Variants in ABHD6 observed in about 807,000 individuals in gnomAD.
ABHD6 encodes the protein abhydrolase domain containing 6, acylglycerol lipase.
ABHD6 carries 33 observed loss-of-function variants against 38.8 expected under a neutral mutation model. The ratio of observed to expected loss-of-function variants is 0.85; its 90% CI spans 0.64 to 1.14. The LOEUF (loss-of-function observed/expected upper bound fraction) is 1.14, where lower values mean the gene tolerates loss of function less well. Among genes scored for constraint, ABHD6 ranks in the 50% most tolerant of loss-of-function variants. ABHD6 has a pLI of 0.00. For missense variants in ABHD6, 380 were observed against 422.6 expected (o/e 0.90, Z 0.88); for synonymous variants, 147 against 161.6 (o/e 0.91, Z 0.69).
intron 3 of ABHD6, among the ~76,000 whole-genome samples, chr3:58,264,436 C>CACAT (rs2097439471): frequency 1.0e-5 from 1 of 99,300 alleles, no homozygotes; most frequent in Non-Finnish European, 2.0e-5. Context: ...CACACACACA[C>CACAT]ACACACACAT....
Position 58,294,016 on chromosome 3 carries a change from C to A in ABHD6, c.*251C>A. On this transcript the variant is annotated 3_prime_UTR_variant, in exon 10 of 10. Transcript: ENST00000478253. ...AAGAAACCCCAGCCATGAAATCTAC[C>A]ATGAAGTCTTCAAGTTCATGTCACT... The A allele has an allele frequency of 2.7e-6, 1 of 376,494 alleles. No homozygotes were observed. Among genetic ancestry groups the A allele is most frequent in the Non-Finnish European group, 4.7e-6 (1 of 211,100 alleles). The allele number at this position is 376,494 out of a possible 1,614,324, so 23.3% of individuals were successfully genotyped here.
At chr3:58,242,818 C>A (rs1002076916) in intron 1 of ABHD6, among the ~76,000 whole-genome samples, 1 of 152,178 alleles carries the variant, frequency 6.6e-6, no homozygotes, top group African/African-American at 2.4e-5. Context: ...GTTTGCTGCA[C>A]CCGTTAACTC....
chr3:58,259,017 GT>G lies in ABHD6; in HGVS notation c.119+2314del, dbSNP rs1188355388. 2.6e-5 allele frequency among the ~76,000 whole-genome samples: 4 copies of G among 152,304 alleles called. No individual in the cohort carries two copies. In the East Asian group the frequency reaches 5.8e-4, roughly 22 times the overall value. On this transcript the variant is annotated intron_variant, in intron 3 of 9. Coordinates refer to ENST00000478253, the MANE Select transcript of ABHD6 (RefSeq NM_001320126.2). The surrounding 1 kb of genome is among the most constrained non-coding windows in gnomAD (Gnocchi z 4.7). ...TGACCCCTGACATGGAGAAGGCAGAGTTGCGTGCCCCTTCTCATGGCCTCGT... is the reference window on the plus strand; with the variant it reads ...TGACCCCTGACATGGAGAAGGCAGAGTGCGTGCCCCTTCTCATGGCCTCGT...
At chr3:58,281,056 G>A (rs2097452816) in intron 7 of ABHD6, among the ~76,000 whole-genome samples, 1 of 152,190 alleles carries the variant, frequency 6.6e-6, no homozygotes, top group Non-Finnish European at 1.5e-5. Context: ...GAGGGTCAGG[G>A]ACCCACTTGA....
chr3:58,250,007 G>C (rs983238593), intron 2 of ABHD6, 65 bp downstream of exon 2: 1 of 152,170 alleles, frequency 6.6e-6, no homozygotes, highest in African/African-American at 2.4e-5. Context: ...AACTGGGACT[G>C]CTGTTGTAAG....
intron 7 of ABHD6, among the ~76,000 whole-genome samples, chr3:58,280,371 T>C (rs1445702995): frequency 6.6e-6 from 1 of 152,194 alleles, no homozygotes; most frequent in East Asian, 1.9e-4. Context: ...TTTCTTTCAC[T>C]TCATCAAATT....
chr3:58,290,325 GC>G (rs2097461250), intron 9 of ABHD6, among the ~76,000 whole-genome samples: 1 of 140,774 alleles, frequency 7.1e-6, no homozygotes. Flanking sequence ...CCCGGACGGG[GC>G]GGCTGGCCTG....
At chr3:58,243,336 C>T (rs1227142618) in intron 1 of ABHD6, among the ~76,000 whole-genome samples, 1 of 152,094 alleles carries the variant, frequency 6.6e-6, no homozygotes, top group African/African-American at 2.4e-5. Flanking sequence ...ACAGTCCCGC[C>T]CAGCCAGTGT....
chr3:58,267,577 A>C lies in ABHD6; in HGVS notation c.276+232A>C, dbSNP rs2097442015. ...CTACTCAGGAGACTGAGGTGGGAAG[A>C]TTGCTTGAGCCTGGGGGGTCAAGTC... On this transcript the variant is annotated intron_variant, in intron 4 of 9. Coordinates refer to ENST00000478253, the MANE Select transcript of ABHD6 (RefSeq NM_001320126.2). The surrounding 1 kb of genome is among the most constrained non-coding windows in gnomAD (Gnocchi z 4.3). Among the ~76,000 whole-genome samples the C allele has an allele frequency of 6.6e-6, 1 of 152,066 alleles. No homozygotes were observed. Among genetic ancestry groups the C allele is most frequent in the Admixed American group, 6.5e-5 (1 of 15,268 alleles).
At position 58,266,320 on chromosome 3, in the gene ABHD6, G is replaced by A. The variant is rs1211086984; in HGVS notation, c.120-869G>A. Among the ~76,000 whole-genome samples the A allele has an allele frequency of 6.6e-6, 1 of 151,976 alleles. No individual in the cohort carries two copies. Among genetic ancestry groups the A allele is most frequent in the African/African-American group, 2.4e-5 (1 of 41,374 alleles). Reference sequence around the variant, plus strand: ...AAAAATTAGGCAGGCATGGTGGTGTGCACCTGTAACCCTAGATACAGGCTG... The same window carrying A: ...AAAAATTAGGCAGGCATGGTGGTGTACACCTGTAACCCTAGATACAGGCTG... On this transcript the variant is annotated intron_variant, in intron 3 of 9. Coordinates refer to ENST00000478253, the MANE Select transcript of ABHD6 (RefSeq NM_001320126.2). This position sits in a 1 kb window ranked among gnomAD's most constrained non-coding sequence, Gnocchi z 4.0.
intron 9 of ABHD6, among the ~76,000 whole-genome samples, chr3:58,289,485 C>A (rs992101390): frequency 1.5e-4 from 22 of 149,870 alleles, no homozygotes; most frequent in African/African-American, 5.2e-4. Flanking sequence ...GCACATCTTG[C>A]ACTGCCCTTA....
At chr3:58,253,044 A>G (rs909044076) in intron 2 of ABHD6, among the ~76,000 whole-genome samples, 2 of 152,110 alleles carry the variant, frequency 1.3e-5, no homozygotes, top group Non-Finnish European at 2.9e-5. Context: ...TACTAAATTG[A>G]TCATGTTCTA....
Position 58,280,629 on chromosome 3 carries a change from C to T in ABHD6, c.682-4456C>T, listed in dbSNP as rs576369930. Among the ~76,000 whole-genome samples, 4 of 152,298 alleles carry T rather than the reference C, an allele frequency of 2.6e-5. No individual in the cohort carries two copies. In the South Asian group the frequency reaches 6.2e-4, roughly 24 times the overall value. On this transcript the variant is annotated intron_variant, in intron 7 of 9. Coordinates refer to ENST00000478253, the MANE Select transcript of ABHD6 (RefSeq NM_001320126.2). ...AGTCATTTTCCATCCAGCTTTGTTCCGTTGCTGGCGAGGAGCTGCAATCAT... is the reference window on the plus strand; with the variant it reads ...AGTCATTTTCCATCCAGCTTTGTTCTGTTGCTGGCGAGGAGCTGCAATCAT...
chr3:58,247,798 C>T (rs989287180), intron 1 of ABHD6, among the ~76,000 whole-genome samples: 2 of 152,362 alleles, frequency 1.3e-5, no homozygotes, highest in African/African-American at 2.4e-5. Flanking sequence ...TGGTCTCGAA[C>T]TACTGGCCTC....
At chr3:58,261,939 AAATGTCC>A (rs2097437278) in intron 3 of ABHD6, among the ~76,000 whole-genome samples, 1 of 152,224 alleles carries the variant, frequency 6.6e-6, no homozygotes, top group Admixed American at 6.5e-5. Context: ...GAAATAACCT[AAATGTCC>A]AACAGACAAA....
chr3:58,242,650 G>A (rs2097423614), intron 1 of ABHD6, among the ~76,000 whole-genome samples: 1 of 152,222 alleles, frequency 6.6e-6, no homozygotes, highest in African/African-American at 2.4e-5. Flanking sequence ...TGTGACAGAG[G>A]CAAAGATGTG....
intron 7 of ABHD6, among the ~76,000 whole-genome samples, chr3:58,283,510 A>G (rs1273857558): frequency 6.6e-6 from 1 of 152,184 alleles, no homozygotes; most frequent in Non-Finnish European, 1.5e-5. Flanking sequence ...GGTCCTAGGT[A>G]TAGATTGGAT....
chr3:58,293,596 A>C lies in ABHD6; in HGVS notation c.845A>C (p.Asp282Ala), dbSNP rs1270826568. 1.2e-6 allele frequency: 2 copies of C among 1,614,042 alleles called. No individual in the cohort carries two copies. Among genetic ancestry groups the C allele is most frequent in the South Asian group, 2.2e-5 (2 of 91,080 alleles). Residue 282 changes from aspartate to alanine, a missense_variant, in exon 10 of 10, where the codon GAT (aspartate) becomes GCT (alanine). Transcript: ENST00000478253. This position sits in a 1 kb window ranked among gnomAD's most constrained non-coding sequence, Gnocchi z 4.4. ...IIWGKQDQVL[D>A]VSGADMLAKS... ...CCCTTTCTTGCCCAGCAGGTGCTGG[A>C]TGTGTCTGGGGCAGACATGTTGGCC...
chr3:58,284,747 G>A lies in ABHD6; in HGVS notation c.682-338G>A, dbSNP rs549036231. Among the ~76,000 whole-genome samples the A allele has an allele frequency of 1.2e-4, 18 of 152,102 alleles. No homozygotes were observed. The South Asian group carries it at 2.7e-3, about 23-fold the overall frequency. On this transcript the variant is annotated intron_variant, in intron 7 of 9. Transcript: ENST00000478253. ...ATTACAGGCATGAGCCACCATGCCCGGCCCATCCTGATTATGTCTTAAGTG... is the reference window on the plus strand; with the variant it reads ...ATTACAGGCATGAGCCACCATGCCCAGCCCATCCTGATTATGTCTTAAGTG...
Sources: allele counts gnomAD v4.1 joint callset (sites outside exome capture counted in the v4.1 genomes callset), GRCh38; gene constraint gnomAD v4.1.1; non-coding constraint Gnocchi (gnomAD v3.1); transcripts MANE v1.5; gene names NCBI Gene and HGNC (gene_info 2026-07-23, HGNC 2026-07-21).